The following ROBO1 variants were observed in gnomAD, a reference collection of about 807,000 sequenced individuals.
ROBO1 encodes the protein roundabout guidance receptor 1.
Under a neutral mutation model 195.9 loss-of-function variants are expected in ROBO1, and 149 were observed. That is an observed-to-expected ratio of 0.76 (90% CI 0.67 to 0.87). The LOEUF (loss-of-function observed/expected upper bound fraction) is 0.87. Ranked by LOEUF, ROBO1 falls within the 40% of genes least tolerant of loss-of-function variation. The pLI is 0.00. For synonymous variants in ROBO1, 816 were observed against 733.2 expected (o/e 1.11, Z -1.82); for missense variants, 1,933 against 2,068.3 (o/e 0.93, Z 1.27).
chr3:79,444,238 A>C (rs1457093383), intron 2 of ROBO1, among the ~76,000 whole-genome samples: 1 of 152,106 alleles, frequency 6.6e-6, no homozygotes, highest in Admixed American at 6.5e-5. Context: ...TACAGGCATT[A>C]AATTAACGCT....
intron 4 of ROBO1, among the ~76,000 whole-genome samples, chr3:78,880,135 T>C (rs190561375): frequency 6.6e-6 from 1 of 152,208 alleles, no homozygotes; most frequent in East Asian, 1.9e-4. Flanking sequence ...TCAAAACACA[T>C]CTCATTTATT....
intron 4 of ROBO1, among the ~76,000 whole-genome samples, chr3:78,826,738 C>T (rs1305343404): frequency 1.3e-5 from 2 of 152,168 alleles, no homozygotes; most frequent in African/African-American, 4.8e-5. Flanking sequence ...GCTTCAACCA[C>T]AGCAGTTTAT....
At chr3:79,312,125 A>G (rs1426946106) in intron 2 of ROBO1, among the ~76,000 whole-genome samples, 1 of 152,232 alleles carries the variant, frequency 6.6e-6, no homozygotes, top group African/African-American at 2.4e-5. Context: ...CTTTATTTAC[A>G]AAATATTTCT....
chr3:78,988,343 T>C (rs929147615), intron 3 of ROBO1, among the ~76,000 whole-genome samples: 1 of 152,168 alleles, frequency 6.6e-6, no homozygotes, highest in Non-Finnish European at 1.5e-5. Context: ...GGTGCAATTT[T>C]AGGGAGGATT....
At chr3:79,074,993 A>G (rs1444769093) in intron 3 of ROBO1, among the ~76,000 whole-genome samples, 1 of 151,946 alleles carries the variant, frequency 6.6e-6, no homozygotes, top group Non-Finnish European at 1.5e-5. Context: ...TTCTCCTTCA[A>G]GCACAAGATA....
intron 2 of ROBO1, among the ~76,000 whole-genome samples, chr3:79,168,704 A>T (rs537158862): frequency 2.2e-4 from 33 of 152,300 alleles, no homozygotes; most frequent in African/African-American, 6.7e-4. Flanking sequence ...TAGTTAGGCA[A>T]CATTGACTCC....
chr3:79,188,551 C>A (rs2081482540), intron 2 of ROBO1, among the ~76,000 whole-genome samples: 1 of 151,202 alleles, frequency 6.6e-6, no homozygotes, highest in African/African-American at 2.4e-5. Flanking sequence ...TGCACACGCA[C>A]ACACACACAC....
chr3:79,516,970 C>A (rs370922328), intron 2 of ROBO1, among the ~76,000 whole-genome samples: 88 of 152,276 alleles, frequency 5.8e-4, no homozygotes, highest in African/African-American at 2.0e-3. Flanking sequence ...ACACTCTGGT[C>A]AAGAGGATGT....
intron 2 of ROBO1, among the ~76,000 whole-genome samples, chr3:79,541,629 G>A (rs1942070106): frequency 6.6e-6 from 1 of 151,914 alleles, no homozygotes; most frequent in Admixed American, 6.6e-5. Flanking sequence ...GTTAAAATCT[G>A]TCAACTTTCT....
At chr3:79,628,836 C>A (rs555790477) in intron 1 of ROBO1, among the ~76,000 whole-genome samples, 12 of 152,134 alleles carry the variant, frequency 7.9e-5, no homozygotes, top group Admixed American at 3.9e-4. Flanking sequence ...AATAAGTTAG[C>A]AGGAGTAGCT....
intron 2 of ROBO1, among the ~76,000 whole-genome samples, chr3:79,429,487 G>A (rs1258847001): frequency 2.0e-5 from 3 of 152,010 alleles, no homozygotes; most frequent in Non-Finnish European, 4.4e-5. Flanking sequence ...CCACAAACAC[G>A]CAAAGCCTAA....
Position 79,090,599 on chromosome 3 carries a change from G to T in ROBO1, c.172+34857C>A, listed in dbSNP as rs76799866. On this transcript the variant is annotated intron_variant, in intron 3 of 30. Transcript: ENST00000464233. ...GTTAAAAGTTTGGGCTTTGGATGCA[G>T]ATATACTTCAGTTCAAATCTTGGTT... Among the ~76,000 whole-genome samples, 318 of 152,224 alleles carry T rather than the reference G, an allele frequency of 2.1e-3. 3 individuals are homozygous for T. The highest frequency in any genetic ancestry group is 7.2e-3 in the African/African-American group (301 of 41,540).
At chr3:79,398,923 G>GTT (rs146239540) in intron 2 of ROBO1, among the ~76,000 whole-genome samples, 6 of 148,434 alleles carry the variant, frequency 4.0e-5, no homozygotes, top group Non-Finnish European at 9.0e-5. Context: ...TAAAAAGTAT[G>GTT]TTTTTTTTTT....
intron 2 of ROBO1, among the ~76,000 whole-genome samples, chr3:79,569,245 G>C (rs1418553548): frequency 6.6e-6 from 1 of 152,156 alleles, no homozygotes; most frequent in Non-Finnish European, 1.5e-5. Context: ...GCTGTCAAAG[G>C]CACTTTTATT....
chr3:78,872,164 A>G (rs1244343020), intron 4 of ROBO1, among the ~76,000 whole-genome samples: 2 of 152,102 alleles, frequency 1.3e-5, no homozygotes, highest in Non-Finnish European at 2.9e-5. Flanking sequence ...AGCCTGGGGA[A>G]TTTTCTGACT....
intron 3 of ROBO1, among the ~76,000 whole-genome samples, chr3:78,945,009 A>G (rs1156367530): frequency 6.6e-6 from 1 of 152,194 alleles, no homozygotes; most frequent in African/African-American, 2.4e-5. Flanking sequence ...TTAGGTAGAC[A>G]AAGCTACCGG....
intron 3 of ROBO1, among the ~76,000 whole-genome samples, chr3:79,071,548 T>C (rs1282480858): frequency 6.6e-6 from 1 of 151,866 alleles, no homozygotes; most frequent in Non-Finnish European, 1.5e-5. Context: ...TGTACTCTTT[T>C]TTATGGCAAT....
At chr3:79,547,109 C>T (rs1205934330) in intron 2 of ROBO1, among the ~76,000 whole-genome samples, 1 of 127,426 alleles carries the variant, frequency 7.8e-6, no homozygotes, top group African/African-American at 3.0e-5. Context: ...GGCGTGAACC[C>T]GGGAGGTGGA....
intron 4 of ROBO1, among the ~76,000 whole-genome samples, chr3:78,829,352 C>A (rs2031936122): frequency 6.6e-6 from 1 of 152,064 alleles, no homozygotes. Context: ...ATTTGGAAAA[C>A]AAAATATATT....
Sources: gnomAD v4.1 joint callset for allele counts (sites outside exome capture counted in the v4.1 genomes callset) on GRCh38, gnomAD v4.1.1 for gene constraint, MANE v1.5 for transcripts, NCBI Gene and HGNC (gene_info 2026-07-23, HGNC 2026-07-21) for gene names.